RBFOX1: variants seen among roughly 807,000 people sequenced by gnomAD.
RBFOX1 encodes RNA binding protein fox-1 homolog 1.
Under a neutral mutation model 57.7 loss-of-function variants are expected in RBFOX1, and 8 were observed. That is an observed-to-expected ratio of 0.14 (90% CI 0.08 to 0.25). The LOEUF (loss-of-function observed/expected upper bound fraction) is 0.25, where lower values mean the gene tolerates loss of function less well. Ranked by LOEUF, RBFOX1 falls within the 10% of genes least tolerant of loss-of-function variation. The pLI, the probability that RBFOX1 is intolerant of heterozygous loss-of-function variation, is 1.00. For synonymous variants in RBFOX1, 326 were observed against 222.4 expected (o/e 1.47, Z -4.15); for missense variants, 611 against 548.5 (o/e 1.11, Z -1.14).
intron 2 of RBFOX1, among the ~76,000 whole-genome samples, chr16:6,544,165 C>T (rs1160132965): frequency 1.3e-5 from 2 of 152,166 alleles, no homozygotes; most frequent in South Asian, 4.2e-4. Flanking sequence ...TTCCACGGTG[C>T]TCATCCCAGG....
rs951810556 is a variant in RBFOX1 at position 7,080,015 on chromosome 16, T to C, written c.27+27917T>C. Among the ~76,000 whole-genome samples, 18 of 136,926 alleles carry C rather than the reference T, an allele frequency of 1.3e-4. No homozygotes were observed. The Admixed American group carries it at 1.3e-3, about 10-fold the overall frequency. 89.8% of individuals were successfully genotyped at this position (136,926 alleles called of 152,430 possible). A position where few individuals can be genotyped will look rare whatever the true frequency, so the allele number is the denominator to read the frequency against. ...AATTCATTGTGTATATATATATACA[T>C]ATATATACGTATATATGTATATAGA... is the stretch of plus-strand genomic sequence containing the variant. On this transcript the variant is annotated intron_variant, in intron 4 of 15. Coordinates refer to ENST00000550418, the MANE Select transcript of RBFOX1 (RefSeq NM_018723.4).
chr16:5,882,452 C>G (rs1162212045), intron 4 of RBFOX1, among the ~76,000 whole-genome samples: 3 of 152,148 alleles, frequency 2.0e-5, no homozygotes, highest in Admixed American at 1.3e-4. Context: ...CACTTGGTCT[C>G]ATAAACTGCA....
chr16:6,042,395 G>A (rs2095447087), intron 1 of RBFOX1, among the ~76,000 whole-genome samples: 2 of 152,082 alleles, frequency 1.3e-5, no homozygotes, highest in Non-Finnish European at 1.5e-5. Flanking sequence ...CACCGTGCCT[G>A]GCCCTTTCTC....
At chr16:6,674,111 C>T (rs1027427674) in intron 3 of RBFOX1, among the ~76,000 whole-genome samples, 3 of 152,134 alleles carry the variant, frequency 2.0e-5, no homozygotes, top group African/African-American at 7.2e-5. Context: ...TTCAAATTGG[C>T]TTAAGCTAAG....
intron 1 of RBFOX1, among the ~76,000 whole-genome samples, chr16:5,355,850 G>A (rs992185476): frequency 7.2e-5 from 11 of 152,242 alleles, no homozygotes; most frequent in African/African-American, 2.4e-4. Flanking sequence ...CAGCCCTTTC[G>A]GAGGCCGAGG....
chr16:6,340,832 A>G (rs1448465386), intron 2 of RBFOX1, among the ~76,000 whole-genome samples: 1 of 152,138 alleles, frequency 6.6e-6, no homozygotes, highest in East Asian at 1.9e-4. Flanking sequence ...CCTATTCAAT[A>G]TGGAGTTGCC....
At chr16:7,540,164 T>C (rs1427546227) in intron 5 of RBFOX1, among the ~76,000 whole-genome samples, 4 of 152,226 alleles carry the variant, frequency 2.6e-5, no homozygotes, top group Admixed American at 2.0e-4. Flanking sequence ...TCTGCTACTT[T>C]AGAGTTATCT....
At position 7,518,193 on chromosome 16, in the gene RBFOX1, A is replaced by G; in HGVS notation, c.74A>G (p.Tyr25Cys). 1 of 1,614,038 alleles carries G rather than the reference A, an allele frequency of 6.2e-7. No individual in the cohort carries two copies. Among genetic ancestry groups the G allele is most frequent in the Non-Finnish European group, 8.5e-7 (1 of 1,179,954 alleles). ...GCCCCTGACACAATGGCTCAGCCTTACGCTTCGGCCCAGTTTGCTCCCCCG... is the reference window on the plus strand; with the variant it reads ...GCCCCTGACACAATGGCTCAGCCTTGCGCTTCGGCCCAGTTTGCTCCCCCG... ...AAAPDTMAQP[Y>C]ASAQFAPPQN... The change falls in exon 5 of 16, where the codon TAC becomes TGC. Residue 25 changes from tyrosine to cysteine, a missense_variant. Tyr to Cys is a radical substitution (Grantham distance 194). This residue lies in a region of RBFOX1 where 245 missense variants were observed against 159.1 expected (regional missense o/e 1.54). Coordinates refer to ENST00000550418, the MANE Select transcript of RBFOX1 (RefSeq NM_018723.4).
chr16:6,942,249 C>G (rs2078669039), intron 3 of RBFOX1, among the ~76,000 whole-genome samples: 1 of 152,088 alleles, frequency 6.6e-6, no homozygotes, highest in Non-Finnish European at 1.5e-5. Context: ...CACTGCACTT[C>G]AGCCTGACTG....
At chr16:5,939,824 G>C (rs1045134234) in intron 4 of RBFOX1, among the ~76,000 whole-genome samples, 2 of 152,196 alleles carry the variant, frequency 1.3e-5, no homozygotes, top group Non-Finnish European at 2.9e-5. Flanking sequence ...GCCATACCCT[G>C]ACCATATGGA....
intron 4 of RBFOX1, among the ~76,000 whole-genome samples, chr16:7,161,493 A>G (rs1029996237): frequency 2.0e-5 from 3 of 152,156 alleles, no homozygotes; most frequent in Admixed American, 2.0e-4. Flanking sequence ...CTTCACTCTT[A>G]GGGGTTAGGA....
chr16:6,987,770 G>C (rs1599276361), intron 3 of RBFOX1, among the ~76,000 whole-genome samples: 1 of 152,150 alleles, frequency 6.6e-6, no homozygotes, highest in South Asian at 2.1e-4. Flanking sequence ...CAGAGGGGAG[G>C]AGAATAAGAA....
At chr16:6,193,217 G>A (rs1447273130) in intron 1 of RBFOX1, among the ~76,000 whole-genome samples, 1 of 151,312 alleles carries the variant, frequency 6.6e-6, no homozygotes, top group Non-Finnish European at 1.5e-5. Flanking sequence ...TCTCGCAGCA[G>A]ATTGAAAATC....
chr16:5,546,749 A>G (rs915074490), intron 2 of RBFOX1, among the ~76,000 whole-genome samples: 1 of 152,192 alleles, frequency 6.6e-6, no homozygotes, highest in African/African-American at 2.4e-5. Flanking sequence ...AAATGGATAA[A>G]TTTTAAAATT....
intron 3 of RBFOX1, among the ~76,000 whole-genome samples, chr16:6,894,317 C>T (rs1254164283): frequency 6.6e-6 from 1 of 152,166 alleles, no homozygotes; most frequent in East Asian, 1.9e-4. Context: ...CGTTTGAAAT[C>T]CCCCAGATAG....
chr16:6,536,509 G>A (rs1024541843), intron 2 of RBFOX1, among the ~76,000 whole-genome samples: 3 of 151,834 alleles, frequency 2.0e-5, no homozygotes, highest in African/African-American at 7.3e-5. Context: ...ATGATGTACT[G>A]CATTTTAAAT....
At chr16:7,524,247 G>T (rs2078170536) in intron 5 of RBFOX1, among the ~76,000 whole-genome samples, 1 of 152,262 alleles carries the variant, frequency 6.6e-6, no homozygotes, top group African/African-American at 2.4e-5. Context: ...ACAAAGTGCA[G>T]AATCTGTAAA....
chr16:6,661,318 C>T (rs1218467046), intron 3 of RBFOX1, among the ~76,000 whole-genome samples: 1 of 152,170 alleles, frequency 6.6e-6, no homozygotes, highest in African/African-American at 2.4e-5. Context: ...GAAAGGCCCT[C>T]CTGGCAGAGG....
At chr16:7,206,383 G>T (rs1361587381) in intron 4 of RBFOX1, among the ~76,000 whole-genome samples, 1 of 151,620 alleles carries the variant, frequency 6.6e-6, no homozygotes, top group Admixed American at 6.6e-5. Context: ...TACACTACAT[G>T]CATTTTTAGC....
Sources: allele counts gnomAD v4.1 joint callset (sites outside exome capture counted in the v4.1 genomes callset), GRCh38; gene constraint gnomAD v4.1.1; regional missense constraint gnomAD v4.1.1; transcripts MANE v1.5; gene names NCBI Gene and HGNC (gene_info 2026-07-23, HGNC 2026-07-21).